The following CCSER1 variants were observed in gnomAD, a reference collection of about 807,000 sequenced individuals.
The protein encoded by CCSER1 is serine-rich coiled-coil domain-containing protein 1.
CCSER1 carries 41 observed loss-of-function variants against 82.0 expected under a neutral mutation model. The ratio of observed to expected loss-of-function variants is 0.50; its 90% confidence interval spans 0.39 to 0.65. The LOEUF is 0.65. Among genes scored for constraint, CCSER1 ranks in the 30% least tolerant of loss-of-function variants. The pLI is 0.00. For synonymous variants in CCSER1, 414 were observed against 383.9 expected (o/e 1.08, Z -0.92); for missense variants, 1,119 against 1,064.2 (o/e 1.05, Z -0.72).
chr4:91,477,591 G>T (rs192322482), intron 10 of CCSER1, among the ~76,000 whole-genome samples: 6 of 151,520 alleles, frequency 4.0e-5, no homozygotes, highest in African/African-American at 1.5e-4. Flanking sequence ...TTCAAAAGTA[G>T]TTTTCAAGTA....
chr4:91,521,521 C>A (rs1760470500), intron 10 of CCSER1, among the ~76,000 whole-genome samples: 1 of 152,186 alleles, frequency 6.6e-6, no homozygotes, highest in African/African-American at 2.4e-5. Flanking sequence ...TCCTGTTTCT[C>A]CAAATCCTCT....
intron 10 of CCSER1, among the ~76,000 whole-genome samples, chr4:91,340,583 T>G (rs1235389042): frequency 6.6e-6 from 1 of 152,184 alleles, no homozygotes; most frequent in South Asian, 2.1e-4. Flanking sequence ...AAAAGAAGAA[T>G]TGCATATTAA....
chr4:90,998,332 G>A (rs1456278648), intron 9 of CCSER1, among the ~76,000 whole-genome samples: 2 of 151,924 alleles, frequency 1.3e-5, no homozygotes, highest in African/African-American at 4.8e-5. Context: ...CACCCTCCTC[G>A]GCCTCCCAAA....
chr4:91,313,649 C>T (rs974090913), intron 10 of CCSER1, among the ~76,000 whole-genome samples: 2 of 151,868 alleles, frequency 1.3e-5, no homozygotes, highest in Admixed American at 6.6e-5. Context: ...GAGCCTTGGC[C>T]TGAAGAGACA....
At chr4:90,992,201 C>G (rs1308266138) in intron 9 of CCSER1, among the ~76,000 whole-genome samples, 1 of 152,020 alleles carries the variant, frequency 6.6e-6, no homozygotes, top group African/African-American at 2.4e-5. Context: ...GCCATTGTGC[C>G]ATTAACTAGG....
At chr4:90,716,024 A>G (rs1041344048) in intron 6 of CCSER1, among the ~76,000 whole-genome samples, 1 of 151,568 alleles carries the variant, frequency 6.6e-6, no homozygotes, top group Non-Finnish European at 1.5e-5. Flanking sequence ...CCCATTATAC[A>G]TAAATATATG....
chr4:91,568,389 G>A (rs976991796), intron 10 of CCSER1, among the ~76,000 whole-genome samples: 2 of 151,494 alleles, frequency 1.3e-5, no homozygotes, highest in Non-Finnish European at 1.5e-5. Flanking sequence ...TTGACTGTTG[G>A]CCTCTCTAAC....
intron 9 of CCSER1, among the ~76,000 whole-genome samples, chr4:91,067,615 G>C (rs1720970819): frequency 7.4e-6 from 1 of 134,334 alleles, no homozygotes; most frequent in Non-Finnish European, 1.7e-5. Context: ...ACAGTGCTGG[G>C]ATTACAGGTA....
chr4:91,382,422 C>T (rs139919104), intron 10 of CCSER1, among the ~76,000 whole-genome samples: 20 of 152,310 alleles, frequency 1.3e-4, no homozygotes, highest in African/African-American at 4.8e-4. Flanking sequence ...ACCTGGCCCT[C>T]AGCCTCGCTG....
intron 9 of CCSER1, among the ~76,000 whole-genome samples, chr4:90,967,170 G>A (rs2150389477): frequency 6.6e-6 from 1 of 152,132 alleles, no homozygotes; most frequent in South Asian, 2.1e-4. Flanking sequence ...ATTTTGGGCT[G>A]GGTGTGGTGG....
At chr4:91,190,822 A>C (rs1734931891) in intron 10 of CCSER1, among the ~76,000 whole-genome samples, 1 of 152,146 alleles carries the variant, frequency 6.6e-6, no homozygotes. Context: ...AATGTCTGTT[A>C]ATTTACTTAT....
intron 5 of CCSER1, among the ~76,000 whole-genome samples, chr4:90,533,511 T>C (rs1247313380): frequency 6.6e-6 from 1 of 152,210 alleles, no homozygotes; most frequent in African/African-American, 2.4e-5. Flanking sequence ...CTTTGCATAA[T>C]TGCAGATACC....
chr4:91,426,828 T>G (rs1754012179), intron 10 of CCSER1, among the ~76,000 whole-genome samples: 1 of 152,150 alleles, frequency 6.6e-6, no homozygotes. Context: ...ATTCCAACTT[T>G]TAGAATGCTT....
chr4:91,217,992 C>T (rs538779513), intron 10 of CCSER1, among the ~76,000 whole-genome samples: 77 of 152,300 alleles, frequency 5.1e-4, no homozygotes, highest in Admixed American at 1.0e-3. Context: ...CTTGGGTGGT[C>T]GATGGGACTG....
intron 10 of CCSER1, among the ~76,000 whole-genome samples, chr4:91,484,414 C>A (rs1204882620): frequency 6.6e-6 from 1 of 152,116 alleles, no homozygotes; most frequent in African/African-American, 2.4e-5. Context: ...ATGACTGACA[C>A]TAATTGGGGT....
intron 8 of CCSER1, among the ~76,000 whole-genome samples, chr4:90,818,339 G>A (rs1329150406): frequency 6.7e-6 from 1 of 148,640 alleles, no homozygotes; most frequent in Admixed American, 6.8e-5. Flanking sequence ...GCAGTGGCAT[G>A]ATCTCAGCTC....
intron 3 of CCSER1, among the ~76,000 whole-genome samples, chr4:90,313,479 G>A (rs1170887143): frequency 6.6e-6 from 1 of 152,168 alleles, no homozygotes; most frequent in African/African-American, 2.4e-5. Flanking sequence ...TCCTCCTGCA[G>A]TGCCCTTCCA....
chr4:91,043,126 CAA>C (rs1278837741), intron 9 of CCSER1, among the ~76,000 whole-genome samples: 5 of 150,982 alleles, frequency 3.3e-5, no homozygotes, highest in African/African-American at 1.2e-4. Flanking sequence ...CCAAAACGAA[CAA>C]AGAGAAAAAA....
At chr4:91,144,211 T>C (rs1729322124) in intron 10 of CCSER1, among the ~76,000 whole-genome samples, 1 of 152,056 alleles carries the variant, frequency 6.6e-6, no homozygotes, top group African/African-American at 2.4e-5. Context: ...TTTCCAGGAA[T>C]TTATCCATTT....
Sources: allele counts gnomAD v4.1 joint callset (sites outside exome capture counted in the v4.1 genomes callset), GRCh38; gene constraint gnomAD v4.1.1; transcripts MANE v1.5; gene names NCBI Gene and HGNC (gene_info 2026-07-23, HGNC 2026-07-21).